Variants in GYG2 observed in about 807,000 individuals in gnomAD.
GYG2 encodes glycogenin 2.
Under a neutral mutation model 29.4 loss-of-function variants are expected in GYG2, and 29 were observed. The observed-to-expected ratio is 0.99, with a 90% CI of 0.74 to 1.35. The LOEUF (loss-of-function observed/expected upper bound fraction) is 1.35, where lower values mean the gene tolerates loss of function less well. Ranked by LOEUF, GYG2 falls within the 40% of genes most tolerant of loss-of-function variation. GYG2 has a pLI of 0.00. For missense variants in GYG2, 370 were observed against 385.7 expected, an observed-to-expected ratio of 0.96 and a Z score of 0.34; for synonymous variants, 167 against 172.3, an observed-to-expected ratio of 0.97 and a Z score of 0.24.
chrX:2,874,620 C>T (rs749107093), intron 8 of GYG2, among the ~76,000 whole-genome samples: 1 of 112,112 alleles, frequency 8.9e-6, no homozygotes, highest in Non-Finnish European at 1.9e-5. Context: ...AGGTGCAGAT[C>T]ATATCTGTGT....
chrX:2,839,907 C>T (rs761274115), intron 2 of GYG2, among the ~76,000 whole-genome samples: 18 of 112,339 alleles, frequency 1.6e-4, no homozygotes, highest in Non-Finnish European at 2.6e-4. Context: ...GGAGTGACTG[C>T]GTAATGGGTA....
chrX:2,865,850 T>C (rs1236677336), intron 8 of GYG2, among the ~76,000 whole-genome samples: 1 of 94,491 alleles, frequency 1.1e-5, no homozygotes, highest in Non-Finnish European at 2.1e-5. Context: ...AAACTACAAA[T>C]AGAACTACCA....
In GYG2 at chrX:2,877,217, C is replaced by T. The variant is rs765440877; in HGVS notation, c.1161C>T (p.Val387=). The T allele has an allele frequency of 2.6e-5, 31 of 1,205,534 alleles. No homozygotes were observed. The highest frequency in any genetic ancestry group is 1.1e-4 in the African/African-American group (6 of 56,943). The change falls in exon 10 of 11, where the codon GTC becomes GTT. Residue 387 remains valine (V), a synonymous_variant. Coordinates refer to ENST00000398806, the MANE Select transcript of GYG2 (RefSeq NM_001079855.2). ...TETILQPANK[V]ESVSSEETFE... is the part of the protein sequence containing the mutation. ...TGTTTTAGCAGCCAGCAAATAAAGT[C>T]GAAAGTGTCTCATCCGAGGAAACCT...
chrX:2,876,948 CA>C (rs1027387487), intron 9 of GYG2, among the ~76,000 whole-genome samples: 2 of 108,274 alleles, frequency 1.8e-5, no homozygotes, highest in Admixed American at 9.9e-5. Context: ...GACTCCGTCT[CA>C]AAAAAAAAGT....
At chrX:2,850,709 A>G (rs1048575270) in intron 3 of GYG2, among the ~76,000 whole-genome samples, 16 of 111,160 alleles carry the variant, frequency 1.4e-4, no homozygotes, top group East Asian at 2.8e-4. Context: ...TCCTGGCTCA[A>G]AAGCTCCCCT....
chrX:2,850,886 T>C (rs1041169148), intron 3 of GYG2, among the ~76,000 whole-genome samples: 1 of 111,101 alleles, frequency 9.0e-6, no homozygotes, highest in Non-Finnish European at 1.9e-5. Flanking sequence ...ATAAACAGCC[T>C]TGTTGCTCAC....
intron 3 of GYG2, among the ~76,000 whole-genome samples, chrX:2,849,101 A>G (rs1402514451): frequency 8.9e-6 from 1 of 111,826 alleles, no homozygotes; most frequent in Non-Finnish European, 1.9e-5. Context: ...TTCATGAAAC[A>G]TAATTCTGCT....
rs774143096 is a variant in GYG2, at chrX:2,833,485, G to C, written c.7+3290G>C. On this transcript the variant is annotated intron_variant, in intron 2 of 10. Transcript: ENST00000398806. ...GTCCCCATGAAGAGCTATAAAGCCA[G>C]CGCATGTGGTTATCAATCAATGATC... is the stretch of plus-strand genomic sequence containing the variant. 2.7e-5 allele frequency among the ~76,000 whole-genome samples: 3 copies of C among 111,367 alleles called. No individual in the cohort carries two copies. In the South Asian group the frequency reaches 1.1e-3, roughly 42 times the overall value.
chrX:2,845,825 G>A (rs2087704688), intron 3 of GYG2, among the ~76,000 whole-genome samples: 2 of 100,838 alleles, frequency 2.0e-5, no homozygotes, highest in Admixed American at 2.3e-4. Context: ...AAATGTATAT[G>A]TATATACATA....
At position 2,861,724 on chromosome X, in the gene GYG2, T is replaced by A; in HGVS notation, c.1038+2T>A. ...CCTGAAGGACGCCGTTCAGAAGATG[T>A]AAGTACCTGCATTCCTCACAGGTGT... On this transcript the variant is annotated splice_donor_variant, in intron 8 of 10. Transcript: ENST00000398806. LOFTEE classifies it high-confidence loss of function. 1 of 1,151,049 alleles carries A rather than the reference T, an allele frequency of 8.7e-7. No individual in the cohort carries two copies. 94.9% of individuals were successfully genotyped at this position (1,151,049 alleles called of 1,213,427 possible).
chrX:2,857,174 A>G (rs2088032173), intron 6 of GYG2, among the ~76,000 whole-genome samples: 1 of 108,954 alleles, frequency 9.2e-6, no homozygotes, highest in Admixed American at 9.9e-5. Context: ...CTAGATGTCT[A>G]TCTATCTAGA....
At chrX:2,877,478 A>G (rs1019630241) in intron 10 of GYG2, 171 bp downstream of exon 10, 3 of 1,079,318 alleles carry the variant, frequency 2.8e-6, no homozygotes, top group East Asian at 3.4e-5. Context: ...TCTCTCTGGC[A>G]TTTGCCTGGG....
intron 3 of GYG2, 25 bp from the exon 4 acceptor site, chrX:2,853,955 A>G: frequency 7.0e-6 from 8 of 1,135,934 alleles, no homozygotes; most frequent in Non-Finnish European, 9.7e-6. Flanking sequence ...CCGCTGTCCC[A>G]CTATTTGGCA....
chrX:2,845,047 G>GTATATATACACATGTGTATGTATA lies in GYG2; in HGVS notation c.149+1704_149+1705insATGTGTATGTATATATATATACAC, dbSNP rs1555897011. ...TGTATATTTATATACACATGTGTATGTATATATACACGTGTGTATGTATAT... is the reference window on the plus strand; with the variant it reads ...TGTATATTTATATACACATGTGTATGTATATATACACATGTGTATGTATATATATATACACGTGTGTATGTATAT... On this transcript the variant is annotated intron_variant, in intron 3 of 10. Coordinates refer to ENST00000398806, the MANE Select transcript of GYG2 (RefSeq NM_001079855.2). Among the ~76,000 whole-genome samples, 151 of 48,787 alleles carry GTATATATACACATGTGTATGTATA rather than the reference G, an allele frequency of 3.1e-3. 18 individuals carry two copies. Among genetic ancestry groups the GTATATATACACATGTGTATGTATA allele is most frequent in the African/African-American group, 9.5e-3 (136 of 14,264 alleles). The allele number at this position is 48,787 out of a possible 115,157, so 42.4% of individuals were successfully genotyped here. A position where few individuals can be genotyped will look rare whatever the true frequency, so the allele number is the denominator to read the frequency against.
intron 6 of GYG2, 126 bp downstream of exon 6, chrX:2,856,750 A>G (rs1212051827): frequency 2.6e-5 from 4 of 153,522 alleles, no homozygotes; most frequent in African/African-American, 1.5e-4. Context: ...CTATCTATCT[A>G]TGTATCTATC....
At chrX:2,846,228 G>A (rs756872961) in intron 3 of GYG2, among the ~76,000 whole-genome samples, 21 of 101,760 alleles carry the variant, frequency 2.1e-4, no homozygotes, top group African/African-American at 7.1e-4. Flanking sequence ...CATCACGCCC[G>A]GCTAATTTTT....
At chrX:2,847,085 C>T (rs1473820409) in intron 3 of GYG2, among the ~76,000 whole-genome samples, 2 of 111,809 alleles carry the variant, frequency 1.8e-5, no homozygotes, top group African/African-American at 6.5e-5. Flanking sequence ...ATTAATTTCC[C>T]TGCTGCATAA....
Position 2,846,014 on chromosome X carries a change from T to C in GYG2, c.149+2660T>C, listed in dbSNP as rs765618919. 2.2e-3 allele frequency among the ~76,000 whole-genome samples: 183 copies of C among 84,153 alleles called. 2 individuals carry two copies. Among genetic ancestry groups the C allele is most frequent in the South Asian group, 6.9e-3 (11 of 1,590 alleles). The allele number at this position is 84,153 out of a possible 115,157, so 73.1% of individuals were successfully genotyped here. A position where few individuals can be genotyped will look rare whatever the true frequency, so the allele number is the denominator to read the frequency against. On this transcript the variant is annotated intron_variant, in intron 3 of 10. Coordinates refer to ENST00000398806, the MANE Select transcript of GYG2 (RefSeq NM_001079855.2). ...ATATATGTATATATATACATATATA[T>C]ACACACACACATATATATACACATA...
rs192294222 is a variant in GYG2, at chrX:2,878,083, G to A, written c.1251+776G>A. 18 of 747,203 alleles carry A rather than the reference G, an allele frequency of 2.4e-5. No individual in the cohort carries two copies. The East Asian group carries it at 2.1e-3, about 89-fold the overall frequency. 61.6% of individuals were successfully genotyped at this position (747,203 alleles called of 1,213,427 possible). A position where few individuals can be genotyped will look rare whatever the true frequency, so the allele number is the denominator to read the frequency against. On this transcript the variant is annotated intron_variant, in intron 10 of 10. Coordinates refer to ENST00000398806, the MANE Select transcript of GYG2 (RefSeq NM_001079855.2). ...TTCTAGAGCTGTTGGTTGAGGTCCAGGTTTCTTATAAACATGTGAATGTAT... is the reference window on the plus strand; with the variant it reads ...TTCTAGAGCTGTTGGTTGAGGTCCAAGTTTCTTATAAACATGTGAATGTAT...
Sources: allele counts gnomAD v4.1 joint callset (sites outside exome capture counted in the v4.1 genomes callset), GRCh38; gene constraint gnomAD v4.1.1; transcripts MANE v1.5; gene names NCBI Gene and HGNC (gene_info 2026-07-23, HGNC 2026-07-21).